Variants in MARCHF5 observed in about 807,000 individuals in gnomAD.
MARCHF5 encodes the protein E3 ubiquitin-protein ligase MARCHF5.
Under a neutral mutation model 36.5 loss-of-function variants are expected in MARCHF5, and 5 were observed. The observed-to-expected ratio is 0.14, with a 90% CI of 0.07 to 0.29. MARCHF5 has a LOEUF of 0.29. Ranked by LOEUF, MARCHF5 falls within the 10% of genes least tolerant of loss-of-function variation. MARCHF5 has a pLI of 1.00. For synonymous variants in MARCHF5, 103 were observed against 109.9 expected (o/e 0.94, Z 0.39); for missense variants, 179 against 336.3 (o/e 0.53, Z 3.66).
intron 1 of MARCHF5, among the ~76,000 whole-genome samples, chr10:92,295,386 C>A (rs1590641917): frequency 2.1e-5 from 2 of 93,146 alleles, no homozygotes; most frequent in Admixed American, 2.6e-4. Flanking sequence ...GTGACAACTT[C>A]TTTTATTTAT....
intron 2 of MARCHF5, among the ~76,000 whole-genome samples, chr10:92,325,596 A>G (rs932907397): frequency 6.6e-6 from 1 of 152,174 alleles, no homozygotes; most frequent in Non-Finnish European, 1.5e-5. Flanking sequence ...CAATATTTGT[A>G]TAGCTATTTC....
chr10:92,338,433 C>G (rs1843530836), intron 2 of MARCHF5, among the ~76,000 whole-genome samples: 1 of 152,148 alleles, frequency 6.6e-6, no homozygotes, highest in South Asian at 2.1e-4. Context: ...CACACAGTCT[C>G]TTATAGACCC....
At chr10:92,328,974 C>T (rs1325932233) in intron 2 of MARCHF5, among the ~76,000 whole-genome samples, 3 of 151,952 alleles carry the variant, frequency 2.0e-5, no homozygotes, top group South Asian at 4.1e-4. Context: ...GTAAAGTTGC[C>T]TATTCATTTC....
At position 92,313,562 on chromosome 10, in the gene MARCHF5, G is replaced by A. The variant is rs181824090; in HGVS notation, c.238+2225G>A. Among the ~76,000 whole-genome samples the A allele has an allele frequency of 2.2e-4, 33 of 151,850 alleles. 1 individual carries two copies. The highest frequency in any genetic ancestry group is 7.7e-4 in the African/African-American group (32 of 41,410). ...AGAGCTTGCAGTGAGCCAAGATAGC[G>A]CCACAGCACTCCAGCCTGGGAGATA... On this transcript the variant is annotated intron_variant, in intron 2 of 5. Transcript: ENST00000358935.
At chr10:92,331,617 C>T (rs554061868) in intron 2 of MARCHF5, among the ~76,000 whole-genome samples, 5 of 151,780 alleles carry the variant, frequency 3.3e-5, no homozygotes, top group Admixed American at 6.6e-5. Context: ...TATTTTAATA[C>T]GTAGTAAAAT....
chr10:92,327,452 T>TA (rs1843378782), intron 2 of MARCHF5, among the ~76,000 whole-genome samples: 1 of 152,164 alleles, frequency 6.6e-6, no homozygotes, highest in Non-Finnish European at 1.5e-5. Context: ...CTTTTACTGT[T>TA]ATAGACAGTA....
intron 2 of MARCHF5, among the ~76,000 whole-genome samples, chr10:92,316,364 T>C (rs1843209606): frequency 6.6e-6 from 1 of 152,170 alleles, no homozygotes; most frequent in South Asian, 2.1e-4. Context: ...CTTCTCACTG[T>C]TTGCCACCCA....
intron 2 of MARCHF5, among the ~76,000 whole-genome samples, chr10:92,313,878 G>A (rs1843176230): frequency 6.6e-6 from 1 of 152,128 alleles, no homozygotes; most frequent in Non-Finnish European, 1.5e-5. Flanking sequence ...GGGAGACAGA[G>A]TGAGACCCTG....
At chr10:92,330,326 C>A (rs1442159741) in intron 2 of MARCHF5, among the ~76,000 whole-genome samples, 1 of 152,146 alleles carries the variant, frequency 6.6e-6, no homozygotes, top group Non-Finnish European at 1.5e-5. Context: ...TGGGTACACA[C>A]TGTATATGAA....
intron 2 of MARCHF5, among the ~76,000 whole-genome samples, chr10:92,323,223 TTA>T (rs1843312786): frequency 6.6e-6 from 1 of 152,170 alleles, no homozygotes; most frequent in South Asian, 2.1e-4. Context: ...TCTGTTTCTG[TTA>T]TTTTTAAATA....
intron 3 of MARCHF5, among the ~76,000 whole-genome samples, chr10:92,343,325 T>G (rs1182899689): frequency 6.6e-6 from 1 of 152,224 alleles, no homozygotes; most frequent in African/African-American, 2.4e-5. Context: ...CTGCCTGCTG[T>G]GATTCCTTCT....
rs190410968 is a variant in MARCHF5 at position 92,346,608 on chromosome 10, C to G, written c.370-2741C>G. Among the ~76,000 whole-genome samples the G allele has an allele frequency of 9.3e-5, 14 of 150,508 alleles. No homozygotes were observed. The East Asian group carries it at 2.3e-3, about 25-fold the overall frequency. On this transcript the variant is annotated intron_variant, in intron 3 of 5. Transcript: ENST00000358935. Reference sequence around the variant, plus strand: ...GGTTCAAGCGATTCTCCTGCTTCAGCCTCCCGAGTAGTTGGGATTACAGAT... The same window carrying G: ...GGTTCAAGCGATTCTCCTGCTTCAGGCTCCCGAGTAGTTGGGATTACAGAT...
At chr10:92,341,780 CTTTTTTTTTT>C (rs71025395) in intron 3 of MARCHF5, among the ~76,000 whole-genome samples, 3 of 77,392 alleles carry the variant, frequency 3.9e-5, no homozygotes, top group Admixed American at 3.3e-4. Context: ...AGTTTACATC[CTTTTTTTTTT>C]TTTTTTTTTT....
At chr10:92,345,146 A>G (rs1400274255) in intron 3 of MARCHF5, among the ~76,000 whole-genome samples, 1 of 151,364 alleles carries the variant, frequency 6.6e-6, no homozygotes, top group African/African-American at 2.4e-5. Context: ...TCTTAATTAC[A>G]GTACTTACTT....
chr10:92,298,666 C>T (rs944831764), intron 1 of MARCHF5, among the ~76,000 whole-genome samples: 5 of 152,106 alleles, frequency 3.3e-5, no homozygotes, highest in Non-Finnish European at 5.9e-5. Flanking sequence ...CATCCCCCAC[C>T]CTCCGGCTCA....
intron 2 of MARCHF5, among the ~76,000 whole-genome samples, chr10:92,337,595 AG>A (rs2135211398): frequency 6.6e-6 from 1 of 152,298 alleles, no homozygotes; most frequent in South Asian, 2.1e-4. Flanking sequence ...GAAATGAAGC[AG>A]TGGGGCAAAA....
At chr10:92,324,676 C>T (rs1199877990) in intron 2 of MARCHF5, among the ~76,000 whole-genome samples, 1 of 152,152 alleles carries the variant, frequency 6.6e-6, no homozygotes, top group Admixed American at 6.5e-5. Context: ...AGCTGTATAT[C>T]ATAATTTTTG....
At chr10:92,302,448 CTTT>C (rs10714243) in intron 1 of MARCHF5, among the ~76,000 whole-genome samples, 1 of 124,160 alleles carries the variant, frequency 8.1e-6, no homozygotes, top group Non-Finnish European at 1.8e-5. Flanking sequence ...CTTTTTTTTT[CTTT>C]TTTTTTTTTT....
At chr10:92,333,930 C>G (rs985145807) in intron 2 of MARCHF5, among the ~76,000 whole-genome samples, 1 of 152,080 alleles carries the variant, frequency 6.6e-6, no homozygotes, top group Non-Finnish European at 1.5e-5. Context: ...TGCCTCACGC[C>G]TGTAATCCCA....
Sources: allele counts gnomAD v4.1 joint callset (sites outside exome capture counted in the v4.1 genomes callset), GRCh38; gene constraint gnomAD v4.1.1; transcripts MANE v1.5; gene names NCBI Gene and HGNC (gene_info 2026-07-23, HGNC 2026-07-21).